The following TCF4 variants were observed in gnomAD, a reference collection of about 807,000 sequenced individuals.
The protein encoded by TCF4 is SL3-3 enhancer factor 2.
A neutral mutation model predicts 82.1 loss-of-function variants in TCF4; 3 were observed. The observed-to-expected ratio is 0.04, with a 90% CI of 0.02 to 0.09. The LOEUF (loss-of-function observed/expected upper bound fraction) is 0.09, where lower values mean the gene tolerates loss of function less well. TCF4 is among the 10% of genes least tolerant of loss of function. The pLI is 1.00. For missense variants in TCF4, 518 were observed against 852.7 expected (o/e 0.61, Z 4.89); for synonymous variants, 276 against 309.6 (o/e 0.89, Z 1.14).
At chr18:55,441,941 A>C (rs1245675386) in intron 5 of TCF4, among the ~76,000 whole-genome samples, 1 of 152,228 alleles carries the variant, frequency 6.6e-6, no homozygotes, top group Non-Finnish European at 1.5e-5. Flanking sequence ...CTCTAGGATC[A>C]CTAAGAAATC....
intron 8 of TCF4, among the ~76,000 whole-genome samples, chr18:55,302,063 C>CG (rs2068493931): frequency 6.6e-6 from 1 of 152,202 alleles, no homozygotes; most frequent in African/African-American, 2.4e-5. Context: ...TTAATAAGGC[C>CG]TATTAACTCC....
In TCF4 at chr18:55,425,311, A is replaced by G. The variant is rs145272310; in HGVS notation, c.305-21793T>C. On this transcript the variant is annotated intron_variant, in intron 5 of 19. Coordinates refer to ENST00000354452, the MANE Select transcript of TCF4 (RefSeq NM_001083962.2). ...CATGGGCCCTATCATCAATTCAAAC[A>G]TATTTTCAGAATGGTTTGATGATGC... 3.2e-3 allele frequency among the ~76,000 whole-genome samples: 482 copies of G among 150,466 alleles called. 1 individual carries two copies. The highest frequency in any genetic ancestry group is 0.011 in the African/African-American group (457 of 41,120).
intron 3 of TCF4, among the ~76,000 whole-genome samples, chr18:55,535,728 T>A (rs1395065223): frequency 2.0e-5 from 3 of 152,180 alleles, no homozygotes; most frequent in Admixed American, 6.5e-5. Context: ...GAGATAAAGA[T>A]ACAAAGTTAT....
intron 8 of TCF4, among the ~76,000 whole-genome samples, chr18:55,288,497 G>C (rs1295843829): frequency 1.3e-5 from 2 of 152,210 alleles, no homozygotes; most frequent in Non-Finnish European, 1.5e-5. Context: ...TTGTTTTGGA[G>C]TTTGAGTTTT....
chr18:55,365,910 AAAC>A (rs931659248), intron 6 of TCF4, among the ~76,000 whole-genome samples: 2 of 152,056 alleles, frequency 1.3e-5, no homozygotes, highest in African/African-American at 2.4e-5. Flanking sequence ...GCAAAACAAA[AAAC>A]AACAACAACA....
chr18:55,241,370 A>C (rs1411519883), intron 15 of TCF4, among the ~76,000 whole-genome samples: 1 of 152,228 alleles, frequency 6.6e-6, no homozygotes, highest in Non-Finnish European at 1.5e-5. Flanking sequence ...CCATTCCTCT[A>C]TCTCTTCCTT....
Position 55,232,676 on chromosome 18 carries a change from C to T in TCF4, c.1487-5G>A, listed in dbSNP as rs749176054. ...CCTGTAGTCCTGGTGGCATGCCTGC[C>T]GAAAAAGAGAAATCAGGTGACATGT... On this transcript the variant is annotated splice_polypyrimidine_tract_variant and splice_region_variant and intron_variant, in intron 16 of 19. Coordinates refer to ENST00000354452, the MANE Select transcript of TCF4 (RefSeq NM_001083962.2). 1.1e-4 allele frequency: 184 copies of T among 1,613,934 alleles called. 1 individual carries two copies. Among genetic ancestry groups the T allele is most frequent in the South Asian group, 2.9e-4 (26 of 91,082 alleles).
At chr18:55,234,141 T>A (rs1040495947) in intron 16 of TCF4, among the ~76,000 whole-genome samples, 10 of 152,162 alleles carry the variant, frequency 6.6e-5, no homozygotes, top group Non-Finnish European at 1.3e-4. Flanking sequence ...GCTCCATTTT[T>A]TAAATGCACC....
At chr18:55,317,518 C>T (rs939288950) in intron 8 of TCF4, among the ~76,000 whole-genome samples, 1 of 151,850 alleles carries the variant, frequency 6.6e-6, no homozygotes, top group Non-Finnish European at 1.5e-5. Context: ...CTGTTCCAAC[C>T]AACTGTGAGG....
chr18:55,391,817 A>G (rs2093126330), intron 6 of TCF4, among the ~76,000 whole-genome samples: 1 of 151,160 alleles, frequency 6.6e-6, no homozygotes, highest in Non-Finnish European at 1.5e-5. Flanking sequence ...ACACGCCTGT[A>G]ATCCCAACTA....
At chr18:55,579,854 G>A (rs1435641405) in intron 3 of TCF4, among the ~76,000 whole-genome samples, 1 of 151,910 alleles carries the variant, frequency 6.6e-6, no homozygotes, top group Non-Finnish European at 1.5e-5. Flanking sequence ...GCAGATGAAA[G>A]CAAAAAGGAA....
chr18:55,405,208 G>A (rs972857520), intron 5 of TCF4, among the ~76,000 whole-genome samples: 3 of 152,156 alleles, frequency 2.0e-5, no homozygotes, highest in African/African-American at 7.2e-5. Flanking sequence ...AACAGAAAAG[G>A]CTCGACCTTC....
Position 55,402,200 on chromosome 18 carries a change from C to T in TCF4, c.369+1254G>A, listed in dbSNP as rs149209502. 9,584 of 985,290 alleles carry T rather than the reference C, an allele frequency of 9.7e-3. 59 individuals carry two copies. The highest frequency in any genetic ancestry group is 0.011 in the Middle Eastern group (22 of 1,914). 61.0% of individuals were successfully genotyped at this position (985,290 alleles called of 1,614,324 possible). A position where few individuals can be genotyped will look rare whatever the true frequency, so the allele number is the denominator to read the frequency against. ...TCAATGCAACAAATCTTTCAGATGC[C>T]GAATATGACTGAATTGGTGGCTGGG... On this transcript the variant is annotated intron_variant, in intron 6 of 19. Transcript: ENST00000354452.
intron 3 of TCF4, among the ~76,000 whole-genome samples, chr18:55,531,782 G>C (rs964114845): frequency 2.6e-5 from 4 of 152,126 alleles, no homozygotes; most frequent in African/African-American, 9.7e-5. Context: ...ACTTATTATG[G>C]AATTCATAAG....
chr18:55,250,199 C>A (rs1303053556), intron 15 of TCF4, among the ~76,000 whole-genome samples: 1 of 152,006 alleles, frequency 6.6e-6, no homozygotes, highest in Admixed American at 6.6e-5. Flanking sequence ...CCTCAAGGAC[C>A]CTGGTAGGGA....
chr18:55,508,630 T>C (rs2096790543), intron 3 of TCF4, among the ~76,000 whole-genome samples: 1 of 152,198 alleles, frequency 6.6e-6, no homozygotes, highest in Non-Finnish European at 1.5e-5. Context: ...TGCCCCAGGT[T>C]ACAGGTAGTA....
At chr18:55,426,807 T>A (rs575604456) in intron 5 of TCF4, among the ~76,000 whole-genome samples, 1 of 152,154 alleles carries the variant, frequency 6.6e-6, no homozygotes, top group South Asian at 2.1e-4. Flanking sequence ...ATCATACTAA[T>A]ATACAAACAT....
intron 3 of TCF4, among the ~76,000 whole-genome samples, chr18:55,485,795 T>C (rs374970960): frequency 6.6e-6 from 1 of 152,226 alleles, no homozygotes; most frequent in Non-Finnish European, 1.5e-5. Context: ...ACAGCTTGCA[T>C]TGGATTTTCA....
intron 15 of TCF4, among the ~76,000 whole-genome samples, chr18:55,247,514 A>G (rs2053643820): frequency 1.3e-5 from 2 of 152,234 alleles, no homozygotes; most frequent in African/African-American, 4.8e-5. Flanking sequence ...CAAACATAGC[A>G]AAACAGGATA....
Sources: gnomAD v4.1 joint callset for allele counts (sites outside exome capture counted in the v4.1 genomes callset) on GRCh38, gnomAD v4.1.1 for gene constraint, MANE v1.5 for transcripts, NCBI Gene and HGNC (gene_info 2026-07-23, HGNC 2026-07-21) for gene names.